LPCAT1: variants seen among roughly 807,000 people sequenced by gnomAD.
The protein encoded by LPCAT1 is lysophosphatidylcholine acyltransferase 1.
LPCAT1 carries 23 observed loss-of-function variants against 60.9 expected under a neutral mutation model. The observed-to-expected ratio is 0.38, with a 90% CI of 0.27 to 0.53. The LOEUF (loss-of-function observed/expected upper bound fraction) is 0.53. Ranked by LOEUF, LPCAT1 falls within the 20% of genes least tolerant of loss-of-function variation. The pLI is 0.82. For synonymous variants in LPCAT1, 340 were observed against 301.1 expected (o/e 1.13, Z -1.34); for missense variants, 622 against 723.6 (o/e 0.86, Z 1.61).
chr5:1,517,395 CCCAA>C (rs773285553), intron 1 of LPCAT1, among the ~76,000 whole-genome samples: 21 of 152,170 alleles, frequency 1.4e-4, no homozygotes, highest in Non-Finnish European at 2.8e-4. Flanking sequence ...CTTGGACACT[CCCAA>C]CCAGTCATGT....
chr5:1,489,051 G>A (rs902099737), intron 4 of LPCAT1, among the ~76,000 whole-genome samples: 3 of 152,204 alleles, frequency 2.0e-5, no homozygotes, highest in Middle Eastern at 3.2e-3. Flanking sequence ...TCTGGGCCCC[G>A]TGAGGAAGAC....
intron 1 of LPCAT1, chr5:1,510,816 T>C (rs562815433): frequency 6.6e-6 from 1 of 152,602 alleles, no homozygotes; most frequent in Non-Finnish European, 1.5e-5. Context: ...CACTGGAACA[T>C]GACCTGGAGG....
At chr5:1,465,592 C>T (rs374947588) in intron 13 of LPCAT1, among the ~76,000 whole-genome samples, 50 of 151,304 alleles carry the variant, frequency 3.3e-4, no homozygotes, top group African/African-American at 1.1e-3. Flanking sequence ...CGCACACACA[C>T]GCACGGTACT....
chr5:1,511,334 A>G (rs189725067), intron 1 of LPCAT1, among the ~76,000 whole-genome samples: 3 of 152,126 alleles, frequency 2.0e-5, no homozygotes, highest in Admixed American at 1.3e-4. Context: ...CGTGGCCCCA[A>G]CCCCTCAGGG....
chr5:1,468,168 T>G (rs937455412), intron 12 of LPCAT1, among the ~76,000 whole-genome samples: 1 of 152,158 alleles, frequency 6.6e-6, no homozygotes, highest in Non-Finnish European at 1.5e-5. Context: ...CTCTACCCCA[T>G]GGACCGGGTC....
In LPCAT1 at chr5:1,469,789, T is replaced by TA. The variant is rs373916134; in HGVS notation, c.1278+1036dup. ...GAGCGAGACTCCATCTCACAAAAATTAAAAAAAAAAAAACAACAGGGCACA... is the reference window on the plus strand; with the variant it reads ...GAGCGAGACTCCATCTCACAAAAATTAAAAAAAAAAAAAACAACAGGGCACA... On this transcript the variant is annotated intron_variant, in intron 12 of 13. Coordinates refer to ENST00000283415, the MANE Select transcript of LPCAT1 (RefSeq NM_024830.5). Among the ~76,000 whole-genome samples the TA allele has an allele frequency of 9.6e-3, 1,323 of 137,580 alleles. 12 individuals carry two copies. The highest frequency in any genetic ancestry group is 0.023 in the African/African-American group (868 of 37,526). 90.3% of individuals were successfully genotyped at this position (137,580 alleles called of 152,430 possible).
At chr5:1,491,570 T>C (rs1449325967) in intron 3 of LPCAT1, among the ~76,000 whole-genome samples, 1 of 152,148 alleles carries the variant, frequency 6.6e-6, no homozygotes, top group Non-Finnish European at 1.5e-5. Flanking sequence ...CGGTGTGCCT[T>C]TCACGCTGAG....
In LPCAT1 at chr5:1,515,219, C is replaced by T. The variant is rs77701176; in HGVS notation, c.135+8491G>A. The stretch of plus-strand genomic sequence containing the variant: ...CTACAAGAAAGAGTCCCCAGCCTGC[C>T]GGCCCTTCCTACTCCGAACTGGCCG... On this transcript the variant is annotated intron_variant, in intron 1 of 13. Transcript: ENST00000283415. 7.5e-4 allele frequency among the ~76,000 whole-genome samples: 110 copies of T among 145,838 alleles called. 2 individuals carry two copies. In the East Asian group the frequency reaches 8.0e-3, roughly 11 times the overall value.
At chr5:1,493,997 G>A (rs1334499030) in intron 3 of LPCAT1, among the ~76,000 whole-genome samples, 1 of 152,254 alleles carries the variant, frequency 6.6e-6, no homozygotes, top group East Asian at 1.9e-4. Flanking sequence ...CCCAGAGGAG[G>A]AAGAGGCAGG....
At chr5:1,475,432 G>A (rs1180906117) in intron 9 of LPCAT1, among the ~76,000 whole-genome samples, 1 of 152,206 alleles carries the variant, frequency 6.6e-6, no homozygotes, top group Non-Finnish European at 1.5e-5. Context: ...AGCCACACCT[G>A]GGGCCATCCC....
At position 1,477,061 on chromosome 5, in the gene LPCAT1, C is replaced by G. The variant is rs567207199; in HGVS notation, c.899+343G>C. Among the ~76,000 whole-genome samples, 1 of 152,200 alleles carries G rather than the reference C, an allele frequency of 6.6e-6. No individual in the cohort carries two copies. The highest frequency in any genetic ancestry group is 2.4e-5 in the African/African-American group (1 of 41,446). ...ACACAGGCAGATGAGCAAAGGTAGG[C>G]GTGGAGGCCGCCGCACAGATGTGAA... On this transcript the variant is annotated intron_variant, in intron 9 of 13. Coordinates refer to ENST00000283415, the MANE Select transcript of LPCAT1 (RefSeq NM_024830.5). This position sits in a 1 kb window ranked among gnomAD's most constrained non-coding sequence, Gnocchi z 6.0.
At chr5:1,465,106 CCA>C (rs1283690282) in intron 13 of LPCAT1, among the ~76,000 whole-genome samples, 26 of 135,142 alleles carry the variant, frequency 1.9e-4, no homozygotes, top group South Asian at 5.1e-4. Flanking sequence ...CACATGGTAA[CCA>C]CACACATGCA....
intron 1 of LPCAT1, among the ~76,000 whole-genome samples, chr5:1,515,560 C>T (rs905313781): frequency 1.5e-4 from 22 of 151,350 alleles, no homozygotes; most frequent in African/African-American, 4.9e-4. Flanking sequence ...ACATCTTGGC[C>T]CAACCCCCTG....
chr5:1,479,727 G>A (rs750274759), intron 7 of LPCAT1, 52 bp from the exon 8 acceptor site: 1 of 1,383,902 alleles, frequency 7.2e-7, no homozygotes, highest in South Asian at 1.2e-5. Context: ...GGGTTAACAA[G>A]TAAATTACTC....
intron 11 of LPCAT1, 63 bp from the exon 12 acceptor site, chr5:1,470,987 T>C: frequency 7.2e-7 from 1 of 1,392,596 alleles, no homozygotes; most frequent in African/African-American, 1.4e-5. Context: ...AACGCCAGGG[T>C]TTCCCATGGG....
chr5:1,489,998 G>A (rs1735514914), intron 3 of LPCAT1, 140 bp from the exon 4 acceptor site: 10 of 682,458 alleles, frequency 1.5e-5, no homozygotes, highest in Non-Finnish European at 2.7e-5. Flanking sequence ...TGGGTGGGCT[G>A]TGAGTCCCTG....
At chr5:1,464,906 AAAC>A (rs1398320093) in intron 13 of LPCAT1, among the ~76,000 whole-genome samples, 45 of 151,376 alleles carry the variant, frequency 3.0e-4, no homozygotes, top group African/African-American at 1.0e-3. Flanking sequence ...CACACTAACT[AAAC>A]ACACATGCGT....
chr5:1,502,114 G>A lies in LPCAT1; in HGVS notation c.136-511C>T, dbSNP rs972323739. On this transcript the variant is annotated intron_variant, in intron 1 of 13. Coordinates refer to ENST00000283415, the MANE Select transcript of LPCAT1 (RefSeq NM_024830.5). The surrounding 1 kb of genome is among the most constrained non-coding windows in gnomAD (Gnocchi z 5.5). ...CTGACATGCTCCACACCCACTGCCC[G>A]CTTCCTGCCTCCTTACTGGAGCTGC... Among the ~76,000 whole-genome samples the A allele has an allele frequency of 1.3e-5, 2 of 152,204 alleles. No individual in the cohort carries two copies. The highest frequency in any genetic ancestry group is 4.8e-5 in the African/African-American group (2 of 41,454).
chr5:1,506,809 G>A (rs1736200673), intron 1 of LPCAT1, among the ~76,000 whole-genome samples: 2 of 152,242 alleles, frequency 1.3e-5, no homozygotes, highest in South Asian at 4.1e-4. Context: ...CCCCACGGCA[G>A]CTTTGCAGTG....
Sources: allele counts gnomAD v4.1 joint callset (sites outside exome capture counted in the v4.1 genomes callset), GRCh38; gene constraint gnomAD v4.1.1; non-coding constraint Gnocchi (gnomAD v3.1); transcripts MANE v1.5; gene names NCBI Gene and HGNC (gene_info 2026-07-23, HGNC 2026-07-21).